Variants in CSMD1 observed in about 807,000 individuals in gnomAD.
CSMD1 encodes CUB and Sushi multiple domains 1, also known as CUB and sushi domain-containing protein 1.
CSMD1 carries 213 observed loss-of-function variants against 417.5 expected under a neutral mutation model. The ratio of observed to expected loss-of-function variants is 0.51; its 90% CI spans 0.46 to 0.57. The LOEUF is 0.57. Among genes scored for constraint, CSMD1 ranks in the 20% least tolerant of loss-of-function variants. The pLI, the probability that CSMD1 is intolerant of heterozygous loss-of-function variation, is 0.00. For missense variants in CSMD1, 6,923 were observed against 4,529.7 expected, an observed-to-expected ratio of 1.53 and a Z score of -15.17; for synonymous variants, 2,862 against 1,736.8, an observed-to-expected ratio of 1.65 and a Z score of -16.11.
At chr8:3,315,405 C>T (rs935417719) in intron 23 of CSMD1, among the ~76,000 whole-genome samples, 3 of 150,464 alleles carry the variant, frequency 2.0e-5, no homozygotes, top group African/African-American at 7.4e-5. Flanking sequence ...ATACATCTCT[C>T]TTTATTCAAG....
chr8:3,717,603 T>G (rs928087694), intron 6 of CSMD1, among the ~76,000 whole-genome samples: 19 of 152,314 alleles, frequency 1.2e-4, no homozygotes, highest in Admixed American at 7.2e-4. Flanking sequence ...TGTAACTGTG[T>G]AAACCCATCA....
At chr8:4,042,956 C>T in intron 3 of CSMD1, among the ~76,000 whole-genome samples, 1 of 151,042 alleles carries the variant, frequency 6.6e-6, no homozygotes, top group East Asian at 1.9e-4. Flanking sequence ...CAAAAACCCA[C>T]CTCTACTAAA....
chr8:3,614,583 A>C (rs1192974881), intron 8 of CSMD1, among the ~76,000 whole-genome samples: 6 of 152,186 alleles, frequency 3.9e-5, no homozygotes, highest in Non-Finnish European at 7.3e-5. Context: ...ATTTTTTTAA[A>C]ACATGAAGTG....
intron 48 of CSMD1, among the ~76,000 whole-genome samples, chr8:3,087,608 C>T (rs148153377): frequency 0.013 from 2,005 of 152,322 alleles, 20 homozygotes; most frequent in East Asian, 0.031. Flanking sequence ...TTGGGCCACA[C>T]ATAAAACACA....
intron 2 of CSMD1, among the ~76,000 whole-genome samples, chr8:4,575,278 A>G (rs1799084899): frequency 6.6e-6 from 1 of 152,140 alleles, no homozygotes; most frequent in Non-Finnish European, 1.5e-5. Context: ...CATTATTTTC[A>G]TATATGATTG....
At chr8:4,951,038 C>T (rs1334927570) in intron 1 of CSMD1, among the ~76,000 whole-genome samples, 1 of 151,692 alleles carries the variant, frequency 6.6e-6, no homozygotes, top group Non-Finnish European at 1.5e-5. Context: ...ATAATTTAAC[C>T]CCCAAGAAGT....
chr8:4,094,917 G>C (rs1045428006), intron 3 of CSMD1, among the ~76,000 whole-genome samples: 66 of 152,286 alleles, frequency 4.3e-4, no homozygotes, highest in South Asian at 3.1e-3. Context: ...GAGAGACATG[G>C]GGAAGTCATT....
chr8:4,778,219 T>A lies in CSMD1; in HGVS notation c.86-140661A>T, dbSNP rs183560025. ...AATTACTTATGAAAATATTCAGATT[T>A]GCAATTATTAATGAATAATCTATAT... On this transcript the variant is annotated intron_variant, in intron 1 of 69. Coordinates refer to ENST00000635120, the MANE Select transcript of CSMD1 (RefSeq NM_033225.6). 3.4e-3 allele frequency among the ~76,000 whole-genome samples: 511 copies of A among 152,310 alleles called. 13 individuals are homozygous for A. Among genetic ancestry groups the A allele is most frequent in the Admixed American group, 0.029 (448 of 15,296 alleles).
chr8:4,898,876 A>G (rs1804677762), intron 1 of CSMD1, among the ~76,000 whole-genome samples: 2 of 152,236 alleles, frequency 1.3e-5, no homozygotes, highest in African/African-American at 2.4e-5. Context: ...AAGTTTTAAC[A>G]TAACAGCTAG....
At chr8:3,948,980 G>A (rs746566155) in intron 5 of CSMD1, among the ~76,000 whole-genome samples, 2 of 152,062 alleles carry the variant, frequency 1.3e-5, no homozygotes, top group Non-Finnish European at 2.9e-5. Context: ...ACCAGGGTAA[G>A]AAGTTGTGTA....
chr8:4,811,434 A>G (rs189186849), intron 1 of CSMD1, among the ~76,000 whole-genome samples: 1 of 152,250 alleles, frequency 6.6e-6, no homozygotes, highest in Non-Finnish European at 1.5e-5. Context: ...AATTGTTGCT[A>G]TTTGATTATT....
intron 3 of CSMD1, among the ~76,000 whole-genome samples, chr8:4,045,714 A>T (rs990176193): frequency 1.3e-5 from 2 of 152,240 alleles, no homozygotes; most frequent in African/African-American, 4.8e-5. Context: ...CATAAGATTC[A>T]AAGACTAAAA....
intron 46 of CSMD1, among the ~76,000 whole-genome samples, chr8:3,104,800 T>A (rs112024362): frequency 6.0e-5 from 9 of 150,640 alleles, no homozygotes; most frequent in Non-Finnish European, 1.2e-4. Flanking sequence ...CTCCACCTCC[T>A]GGGTTCAAGC....
chr8:4,876,900 T>C (rs561527123), intron 1 of CSMD1, among the ~76,000 whole-genome samples: 2 of 152,092 alleles, frequency 1.3e-5, no homozygotes, highest in East Asian at 3.8e-4. Context: ...AACACATTGA[T>C]TCAAGGAGAT....
At chr8:3,638,847 C>G (rs181948935) in intron 7 of CSMD1, among the ~76,000 whole-genome samples, 53 of 152,100 alleles carry the variant, frequency 3.5e-4, no homozygotes, top group Middle Eastern at 6.8e-3. Flanking sequence ...AGGAAGATAC[C>G]CTGGAATATA....
chr8:3,514,552 T>C (rs1049344019), intron 10 of CSMD1, among the ~76,000 whole-genome samples: 3 of 152,192 alleles, frequency 2.0e-5, no homozygotes, highest in African/African-American at 7.2e-5. Context: ...ATAAATAATA[T>C]GTTATAGTTG....
intron 46 of CSMD1, among the ~76,000 whole-genome samples, chr8:3,100,314 C>G (rs1345117594): frequency 1.3e-5 from 2 of 152,172 alleles, no homozygotes; most frequent in African/African-American, 4.8e-5. Flanking sequence ...TCAACCTCCA[C>G]CATGCTCGGC....
At chr8:4,036,792 A>G (rs1384007798) in intron 3 of CSMD1, among the ~76,000 whole-genome samples, 4 of 152,248 alleles carry the variant, frequency 2.6e-5, no homozygotes, top group Non-Finnish European at 5.9e-5. Context: ...CTATTTCATT[A>G]TAACATGGAT....
intron 3 of CSMD1, among the ~76,000 whole-genome samples, chr8:4,090,846 G>A (rs993527019): frequency 4.6e-5 from 7 of 151,924 alleles, no homozygotes; most frequent in Non-Finnish European, 8.8e-5. Context: ...AATATTTGGC[G>A]AAGGGATGCC....
Sources: gnomAD v4.1 joint callset for allele counts (sites outside exome capture counted in the v4.1 genomes callset) on GRCh38, gnomAD v4.1.1 for gene constraint, MANE v1.5 for transcripts, NCBI Gene and HGNC (gene_info 2026-07-23, HGNC 2026-07-21) for gene names.